Variants in THOC7 observed in about 807,000 individuals in gnomAD.
THOC7 encodes THO complex subunit 7.
In THOC7, 22 loss-of-function variants were observed where a neutral mutation model predicts 33.1. That is an observed-to-expected ratio of 0.66 (90% CI 0.47 to 0.95). The LOEUF is 0.95. Ranked by LOEUF, THOC7 falls within the 40% of genes least tolerant of loss-of-function variation. The pLI is 0.00. For synonymous variants in THOC7, 77 were observed against 76.8 expected (o/e 1.00, Z -0.01); for missense variants, 184 against 245.3 (o/e 0.75, Z 1.67).
At chr3:63,858,350 T>C (rs1033419496) in intron 1 of THOC7, among the ~76,000 whole-genome samples, 3 of 152,202 alleles carry the variant, frequency 2.0e-5, no homozygotes, top group African/African-American at 7.2e-5. Flanking sequence ...ATTACATTAT[T>C]AGAAAGTCAT....
intron 1 of THOC7, among the ~76,000 whole-genome samples, chr3:63,840,599 G>C (rs1701735294): frequency 6.6e-6 from 1 of 151,864 alleles, no homozygotes; most frequent in South Asian, 2.1e-4. Context: ...TGTCTCCAAA[G>C]AAAAAAATAA....
chr3:63,842,930 G>A (rs1244302851), intron 1 of THOC7, among the ~76,000 whole-genome samples: 1 of 151,630 alleles, frequency 6.6e-6, no homozygotes, highest in East Asian at 1.9e-4. Context: ...TACACATGCA[G>A]GCCATCATGC....
At chr3:63,843,200 C>A (rs904041603) in intron 1 of THOC7, among the ~76,000 whole-genome samples, 1 of 152,100 alleles carries the variant, frequency 6.6e-6, no homozygotes, top group Admixed American at 6.5e-5. Context: ...CTTACTGCAA[C>A]CTCTATCTCC....
chr3:63,849,157 C>T (rs567833210), intron 1 of THOC7, among the ~76,000 whole-genome samples: 17 of 152,156 alleles, frequency 1.1e-4, no homozygotes, highest in African/African-American at 3.4e-4. Context: ...GAGGCCAAGG[C>T]GGGTGGATCA....
intron 1 of THOC7, among the ~76,000 whole-genome samples, chr3:63,855,313 A>G (rs1270230052): frequency 1.3e-5 from 2 of 152,228 alleles, no homozygotes; most frequent in Admixed American, 6.5e-5. Flanking sequence ...ATCAGTAATG[A>G]CACATTTATG....
intron 3 of THOC7, 109 bp from the exon 4 acceptor site, chr3:63,838,171 G>A: frequency 9.1e-7 from 1 of 1,094,236 alleles, no homozygotes; most frequent in Non-Finnish European, 1.3e-6. Context: ...ATAGACACTA[G>A]TATTTTTAAA....
intron 2 of THOC7, 26 bp from the exon 3 acceptor site, chr3:63,838,525 A>G (rs1701683504): frequency 1.9e-6 from 3 of 1,576,090 alleles, no homozygotes; most frequent in African/African-American, 1.4e-5. Context: ...GAAAACCAAA[A>G]TAAAGATATT....
intron 1 of THOC7, among the ~76,000 whole-genome samples, chr3:63,842,835 G>A (rs764126019): frequency 1.5e-4 from 23 of 152,280 alleles, no homozygotes; most frequent in Non-Finnish European, 2.8e-4. Flanking sequence ...TGGCTGGAAT[G>A]CAGTGGCATG....
At chr3:63,841,196 G>C (rs1002775844) in intron 1 of THOC7, among the ~76,000 whole-genome samples, 1 of 152,144 alleles carries the variant, frequency 6.6e-6, no homozygotes, top group Non-Finnish European at 1.5e-5. Context: ...CATATGTGTG[G>C]AAAAAGGAGG....
chr3:63,841,529 G>A (rs190698719), intron 1 of THOC7, among the ~76,000 whole-genome samples: 10 of 152,248 alleles, frequency 6.6e-5, no homozygotes, highest in Admixed American at 2.0e-4. Flanking sequence ...CAGGTGCAGC[G>A]GAGATAAACT....
At chr3:63,850,838 C>G (rs771208730) in intron 1 of THOC7, among the ~76,000 whole-genome samples, 13 of 151,974 alleles carry the variant, frequency 8.6e-5, no homozygotes, top group Non-Finnish European at 1.8e-4. Flanking sequence ...TCACCTCCCT[C>G]AGACTCCCAA....
In THOC7 at chr3:63,839,780, G is replaced by C. The variant is rs1701719294; in HGVS notation, c.20-7C>G. The C allele has an allele frequency of 2.5e-6, 4 of 1,611,046 alleles. No individual in the cohort carries two copies. The highest frequency in any genetic ancestry group is 3.4e-6 in the Non-Finnish European group (4 of 1,177,870). On this transcript the variant is annotated splice_region_variant and splice_polypyrimidine_tract_variant and intron_variant, in intron 1 of 7. Coordinates refer to ENST00000295899, the MANE Select transcript of THOC7 (RefSeq NM_025075.4). Reference sequence around the variant, plus strand: ...CGCTTCCGTATAACTTCGTCTGCAGGAAAGAAGGGCAATGTTACCATCTGG... The same window carrying C: ...CGCTTCCGTATAACTTCGTCTGCAGCAAAGAAGGGCAATGTTACCATCTGG...
chr3:63,863,841 T>G (rs1702311274), upstream of THOC7: 6 of 1,210,512 alleles, frequency 5.0e-6, no homozygotes, highest in Non-Finnish European at 6.1e-6. Context: ...GAGGCGGCGG[T>G]TGGCGGCGGC....
chr3:63,863,894 A>G (rs1702313221), upstream of THOC7: 26 of 1,123,614 alleles, frequency 2.3e-5, no homozygotes, highest in Non-Finnish European at 2.8e-5. Context: ...ACAGCCATGG[A>G]GGAGGAGGCG....
chr3:63,834,290 G>T, intron 7 of THOC7, 91 bp from the exon 8 acceptor site: 1 of 1,262,972 alleles, frequency 7.9e-7, no homozygotes, highest in Non-Finnish European at 1.1e-6. Flanking sequence ...TCCTTTATTA[G>T]CCAATACAAT....
In THOC7 at chr3:63,835,406, C is replaced by T. The variant is rs1476029967; in HGVS notation, c.411-16G>A. ...CTCTAGTTCCCTGGAAATAATAAAACAGTGTTACATTTTGCTGAATGGGGG... is the reference window on the plus strand; with the variant it reads ...CTCTAGTTCCCTGGAAATAATAAAATAGTGTTACATTTTGCTGAATGGGGG... On this transcript the variant is annotated splice_polypyrimidine_tract_variant and intron_variant, in intron 5 of 7. Coordinates refer to ENST00000295899, the MANE Select transcript of THOC7 (RefSeq NM_025075.4). 1.2e-6 allele frequency: 2 copies of T among 1,612,052 alleles called. No individual in the cohort carries two copies. Among genetic ancestry groups the T allele is most frequent in the Admixed American group, 3.3e-5 (2 of 59,936 alleles).
At position 63,835,367 on chromosome 3, in the gene THOC7, T is replaced by C; in HGVS notation, c.434A>G (p.Glu145Gly). ...TTTAATGTGTGAAAGATGCTCTAAT[T>C]CTTTTCCCAGAGCCTCTAGTTCCCT... ...TLKELEALGK[E>G]LEHLSHIKES... The change falls in exon 6 of 8, where the codon GAA (glutamate) becomes GGA (glycine). Residue 145 changes from glutamate to glycine, a missense_variant. Glu to Gly is a moderately conservative substitution (Grantham distance 98). Coordinates refer to ENST00000295899, the MANE Select transcript of THOC7 (RefSeq NM_025075.4). The C allele has an allele frequency of 6.2e-7, 1 of 1,613,512 alleles. No homozygotes were observed. Among genetic ancestry groups the C allele is most frequent in the South Asian group, 1.1e-5 (1 of 91,036 alleles).
chr3:63,839,597 T>C (rs1701713407), intron 2 of THOC7, 59 bp downstream of exon 2: 12 of 1,427,266 alleles, frequency 8.4e-6, no homozygotes, highest in African/African-American at 2.8e-5. Context: ...AGGACCTTAA[T>C]ATAGGGCCTA....
rs74657731 is a variant in THOC7 at position 63,858,726 on chromosome 3, A to G, written c.19+5046T>C. 3.9e-5 allele frequency among the ~76,000 whole-genome samples: 6 copies of G among 152,352 alleles called. No individual in the cohort carries two copies. In the East Asian group the frequency reaches 1.2e-3, roughly 29 times the overall value. The stretch of plus-strand genomic sequence containing the variant: ...ACAACATCCACACTGTTTTTCAGCT[A>G]GCCAGACTGCTAGAGTTGGCAACAA... On this transcript the variant is annotated intron_variant, in intron 1 of 7. Transcript: ENST00000295899.
Sources: gnomAD v4.1 joint callset for allele counts (sites outside exome capture counted in the v4.1 genomes callset) on GRCh38, gnomAD v4.1.1 for gene constraint, MANE v1.5 for transcripts, NCBI Gene and HGNC (gene_info 2026-07-23, HGNC 2026-07-21) for gene names.